Variants in NRXN3 observed in about 807,000 individuals in gnomAD.
NRXN3 encodes neurexin 3.
NRXN3 carries 32 observed loss-of-function variants against 137.6 expected under a neutral mutation model. The ratio of observed to expected loss-of-function variants is 0.23; its 90% CI spans 0.18 to 0.31. NRXN3 has a LOEUF of 0.31. Ranked by LOEUF, NRXN3 falls within the 10% of genes least tolerant of loss-of-function variation. The pLI, the probability that NRXN3 is intolerant of heterozygous loss-of-function variation, is 1.00. For synonymous variants in NRXN3, 798 were observed against 784.5 expected, an observed-to-expected ratio of 1.02 and a Z score of -0.29; for missense variants, 1,574 against 2,062.5, an observed-to-expected ratio of 0.76 and a Z score of 4.59.
intron 19 of NRXN3, among the ~76,000 whole-genome samples, chr14:79,771,056 T>A (rs993621920): frequency 6.6e-6 from 1 of 151,844 alleles, no homozygotes; most frequent in Non-Finnish European, 1.5e-5. Flanking sequence ...AAACATACAC[T>A]CTCCCAAGAC....
intron 15 of NRXN3, among the ~76,000 whole-genome samples, chr14:79,109,283 C>A (rs2152875695): frequency 7.2e-6 from 1 of 138,306 alleles, no homozygotes; most frequent in South Asian, 2.2e-4. Flanking sequence ...CCTTATCAAT[C>A]AATTAGCCTT....
At chr14:79,084,639 G>A (rs959680233) in intron 15 of NRXN3, among the ~76,000 whole-genome samples, 1 of 152,092 alleles carries the variant, frequency 6.6e-6, no homozygotes, top group Non-Finnish European at 1.5e-5. Context: ...AGGCATTTTG[G>A]CATTCAGGGT....
At chr14:78,556,781 A>G (rs551734898) in intron 4 of NRXN3, among the ~76,000 whole-genome samples, 1 of 152,194 alleles carries the variant, frequency 6.6e-6, no homozygotes, top group South Asian at 2.1e-4. Flanking sequence ...TAGACCATCA[A>G]GAAATAGCAT....
chr14:78,603,551 T>C (rs2097219526), intron 4 of NRXN3, among the ~76,000 whole-genome samples: 2 of 152,344 alleles, frequency 1.3e-5, no homozygotes, highest in South Asian at 4.1e-4. Context: ...ATTTTTTCTT[T>C]ATCACTTGGC....
At chr14:79,038,264 G>C (rs2099619475) in intron 15 of NRXN3, among the ~76,000 whole-genome samples, 1 of 151,816 alleles carries the variant, frequency 6.6e-6, no homozygotes, top group South Asian at 2.1e-4. Context: ...AGACCGAAAG[G>C]CATAAAAATG....
intron 16 of NRXN3, among the ~76,000 whole-genome samples, chr14:79,600,684 G>C (rs539522752): frequency 2.6e-5 from 4 of 152,226 alleles, no homozygotes; most frequent in African/African-American, 9.6e-5. Context: ...GAGAGAGTGA[G>C]CTAGAGATTC....
intron 10 of NRXN3, among the ~76,000 whole-genome samples, chr14:78,956,771 G>T (rs1026467861): frequency 1.3e-5 from 2 of 152,190 alleles, no homozygotes; most frequent in African/African-American, 4.8e-5. Context: ...AGGCATATGT[G>T]TTGCAAAGTT....
intron 15 of NRXN3, among the ~76,000 whole-genome samples, chr14:79,165,465 G>T (rs563005445): frequency 6.6e-6 from 1 of 151,948 alleles, no homozygotes. Context: ...TTAAAGAAAA[G>T]GTTCCACTCT....
At chr14:78,981,409 G>A (rs1302577250) in intron 14 of NRXN3, among the ~76,000 whole-genome samples, 1 of 152,184 alleles carries the variant, frequency 6.6e-6, no homozygotes, top group Non-Finnish European at 1.5e-5. Flanking sequence ...CAATTAGCAA[G>A]CTTGGGTTTG....
chr14:79,605,475 T>C (rs2097996170), intron 16 of NRXN3, among the ~76,000 whole-genome samples: 1 of 152,110 alleles, frequency 6.6e-6, no homozygotes, highest in Admixed American at 6.6e-5. Context: ...TTGCAGATGC[T>C]GTCAAGATAC....
intron 6 of NRXN3, among the ~76,000 whole-genome samples, chr14:78,670,107 G>A (rs56776120): frequency 0.013 from 1,921 of 151,926 alleles, 37 homozygotes; most frequent in African/African-American, 0.042. Context: ...GAGAACATGC[G>A]GTGTCTGGTT....
intron 16 of NRXN3, among the ~76,000 whole-genome samples, chr14:79,517,092 G>GCGC (rs1601534980): frequency 8.0e-6 from 1 of 124,634 alleles, no homozygotes; most frequent in African/African-American, 3.4e-5. Context: ...CAAATGTACA[G>GCGC]CCCCCCCCCC....
intron 15 of NRXN3, among the ~76,000 whole-genome samples, chr14:79,180,163 T>C (rs113297190): frequency 6.6e-6 from 1 of 151,774 alleles, no homozygotes; most frequent in African/African-American, 2.4e-5. Context: ...TATGGGGTAT[T>C]GATTGTGCAT....
chr14:79,134,931 T>C (rs2058064972), intron 15 of NRXN3, among the ~76,000 whole-genome samples: 1 of 152,220 alleles, frequency 6.6e-6, no homozygotes, highest in South Asian at 2.1e-4. Context: ...ATTTCACTAG[T>C]TTACCAAATC....
intron 8 of NRXN3, among the ~76,000 whole-genome samples, chr14:78,757,743 G>A (rs1277645987): frequency 6.6e-6 from 1 of 152,090 alleles, no homozygotes; most frequent in Non-Finnish European, 1.5e-5. Flanking sequence ...TAAATTCTGG[G>A]GTTTGGTTAA....
chr14:79,748,907 T>TA (rs967564446), intron 19 of NRXN3, among the ~76,000 whole-genome samples: 35 of 145,498 alleles, frequency 2.4e-4, no homozygotes, highest in Middle Eastern at 3.4e-3. Context: ...TGTGGCAGAT[T>TA]AAAAAAAAAA....
chr14:78,837,298 C>T (rs1218174880), intron 10 of NRXN3, among the ~76,000 whole-genome samples: 2 of 152,102 alleles, frequency 1.3e-5, no homozygotes, highest in African/African-American at 4.8e-5. Flanking sequence ...GAAAACAAAC[C>T]TCTCTCCACC....
intron 20 of NRXN3, among the ~76,000 whole-genome samples, chr14:79,828,947 G>C (rs921990497): frequency 6.6e-6 from 1 of 152,144 alleles, no homozygotes; most frequent in Non-Finnish European, 1.5e-5. Flanking sequence ...TGGTGGAGAG[G>C]AAGTGGAGAT....
chr14:79,329,146 CAG>C (rs2091320185), intron 15 of NRXN3, among the ~76,000 whole-genome samples: 1 of 152,166 alleles, frequency 6.6e-6, no homozygotes, highest in Admixed American at 6.5e-5. Flanking sequence ...CCAGCTTACT[CAG>C]AGTAGATGTG....
Sources: gnomAD v4.1 joint callset for allele counts (sites outside exome capture counted in the v4.1 genomes callset) on GRCh38, gnomAD v4.1.1 for gene constraint, MANE v1.5 for transcripts, NCBI Gene and HGNC (gene_info 2026-07-23, HGNC 2026-07-21) for gene names.